MYO7A: variants seen among roughly 807,000 people sequenced by gnomAD.
The protein encoded by MYO7A is myosin VIIA.
Under a neutral mutation model 263.8 loss-of-function variants are expected in MYO7A, and 210 were observed. The observed-to-expected ratio is 0.80, with a 90% CI of 0.71 to 0.89. The LOEUF (loss-of-function observed/expected upper bound fraction) is 0.89, where lower values mean the gene tolerates loss of function less well. Ranked by LOEUF, MYO7A falls within the 40% of genes least tolerant of loss-of-function variation. MYO7A has a pLI of 0.00. For missense variants in MYO7A, 2,820 were observed against 2,968.3 expected (o/e 0.95, Z 1.16); for synonymous variants, 1,239 against 1,197.3 (o/e 1.03, Z -0.72).
At chr11:77,154,956 G>A (rs12574016) in intron 4 of MYO7A, among the ~76,000 whole-genome samples, 3 of 152,166 alleles carry the variant, frequency 2.0e-5, no homozygotes, top group East Asian at 3.9e-4. Context: ...GCTCTGCTGT[G>A]ATGCACTGAG....
At position 77,149,140 on chromosome 11, in the gene MYO7A, G is replaced by A. The variant is rs76576494; in HGVS notation, c.285+1190G>A. 6.9e-3 allele frequency among the ~76,000 whole-genome samples: 1,051 copies of A among 152,282 alleles called. 16 individuals are homozygous for A. Among genetic ancestry groups the A allele is most frequent in the African/African-American group, 0.024 (1,010 of 41,536 alleles). On this transcript the variant is annotated intron_variant, in intron 4 of 48. Coordinates refer to ENST00000409709, the MANE Select transcript of MYO7A (RefSeq NM_000260.4). ...CCAGGCCCAGAGCTGTGCCGTGCCC[G>A]GGTCACTGCCTGCTTCTGACCCAGC...
At chr11:77,205,375 G>C in intron 39 of MYO7A, 87 bp from the exon 40 acceptor site, 1 of 1,456,268 alleles carries the variant, frequency 6.9e-7, no homozygotes, top group Non-Finnish European at 9.2e-7. Flanking sequence ...CAGCTGAGGG[G>C]TACATGGCCC....
chr11:77,141,578 G>C (rs1951212934), intron 2 of MYO7A, among the ~76,000 whole-genome samples: 1 of 152,126 alleles, frequency 6.6e-6, no homozygotes, highest in South Asian at 2.1e-4. Flanking sequence ...TGTATCCCAA[G>C]GCCAGCAAAG....
rs782722401 is a variant in MYO7A at position 77,162,888 on chromosome 11, C to A, written c.1590C>A (p.Ser530=). 1.2e-6 allele frequency: 2 copies of A among 1,613,706 alleles called. No individual in the cohort carries two copies. The highest frequency in any genetic ancestry group is 1.7e-6 in the Non-Finnish European group (2 of 1,179,808). ...TDTTMLHKLN[S]QHKLNANYIP... is the part of the protein sequence containing the mutation. ...CCACCATGTTACACAAGCTGAACTC[C>A]CAGCACAAGCTCAACGCCAACTACA... The change falls in exon 14 of 49, where the codon TCC becomes TCA. Residue 530 remains serine, a synonymous_variant. Coordinates refer to ENST00000409709, the MANE Select transcript of MYO7A (RefSeq NM_000260.4).
chr11:77,133,262 G>A (rs546792376), intron 2 of MYO7A, among the ~76,000 whole-genome samples: 4 of 152,224 alleles, frequency 2.6e-5, no homozygotes, highest in South Asian at 4.1e-4. Context: ...GACTAGTGGC[G>A]CACCTGTGTG....
intron 4 of MYO7A, 28 bp downstream of exon 4, chr11:77,147,978 CCAGGCCCCCT>C (rs1951699039): frequency 1.3e-6 from 2 of 1,513,820 alleles, no homozygotes; most frequent in South Asian, 1.2e-5. Context: ...CGGTGCCCGT[CCAGGCCCCCT>C]CAGGCCCCGC....
chr11:77,214,506 C>A, intron 48 of MYO7A, 101 bp from the exon 49 acceptor site: 1 of 879,442 alleles, frequency 1.1e-6, no homozygotes, highest in South Asian at 1.4e-5. Context: ...TGCCTTTGTC[C>A]TGGGTTCTGC....
chr11:77,195,307 A>AC (rs1195415818), intron 32 of MYO7A, among the ~76,000 whole-genome samples: 5 of 150,804 alleles, frequency 3.3e-5, no homozygotes, highest in East Asian at 2.0e-4. Flanking sequence ...CGAGGCCCGA[A>AC]CCCCCCCGAA....
intron 24 of MYO7A, 97 bp from the exon 25 acceptor site, chr11:77,182,327 G>A (rs1035185361): frequency 3.4e-6 from 5 of 1,458,766 alleles, no homozygotes; most frequent in South Asian, 1.4e-5. Context: ...CCATGCGGGA[G>A]GGGGTGTCTC....
At chr11:77,149,379 TG>T (rs2135728872) in intron 4 of MYO7A, among the ~76,000 whole-genome samples, 1 of 151,412 alleles carries the variant, frequency 6.6e-6, no homozygotes, top group South Asian at 2.1e-4. Flanking sequence ...CTTCTGGAGG[TG>T]GGTGAGGTTG....
At chr11:77,136,636 T>C (rs116118240) in intron 2 of MYO7A, among the ~76,000 whole-genome samples, 79 of 152,350 alleles carry the variant, frequency 5.2e-4, no homozygotes, top group Middle Eastern at 3.4e-3. Context: ...CATATACATT[T>C]GGTCTAACAG....
intron 16 of MYO7A, among the ~76,000 whole-genome samples, chr11:77,174,102 C>T (rs532072765): frequency 1.3e-5 from 2 of 152,228 alleles, no homozygotes; most frequent in African/African-American, 2.4e-5. Flanking sequence ...TAAAACTTCC[C>T]TGGCTTCCAG....
At chr11:77,158,546 A>G (rs1591279107) in intron 9 of MYO7A, 116 bp downstream of exon 9, 1 of 1,300,996 alleles carries the variant, frequency 7.7e-7, no homozygotes, top group Admixed American at 2.7e-5. Flanking sequence ...CCTCTTTGGG[A>G]TGGAAGCTGG....
intron 13 of MYO7A, 47 bp from the exon 14 acceptor site, chr11:77,162,806 G>A: frequency 6.3e-7 from 1 of 1,593,062 alleles, no homozygotes; most frequent in Non-Finnish European, 8.6e-7. Flanking sequence ...GGGGAGTGGG[G>A]CCCATGGAGG....
At chr11:77,177,502 C>A in intron 18 of MYO7A, 47 bp from the exon 19 acceptor site, 1 of 1,468,396 alleles carries the variant, frequency 6.8e-7, no homozygotes, top group South Asian at 1.2e-5. Flanking sequence ...AGCAGGTGGT[C>A]CTAGAGGAGA....
chr11:77,175,381 C>T lies in MYO7A; in HGVS notation c.2104C>T (p.Arg702Cys), dbSNP rs377529562. 23 of 1,613,190 alleles carry T rather than the reference C, an allele frequency of 1.4e-5. No homozygotes were observed. The highest frequency in any genetic ancestry group is 5.3e-5 in the African/African-American group (4 of 75,044). ...VKPAYKQGDL[R>C]GTCQRMAEAV... Reference sequence around the variant, plus strand: ...CCCATCCTCACTCCAGGGCGACCTCCGCGGGACTTGCCAGCGCATGGCTGA... The same window carrying T: ...CCCATCCTCACTCCAGGGCGACCTCTGCGGGACTTGCCAGCGCATGGCTGA... Residue 702 changes from arginine to cysteine, a missense_variant, in exon 18 of 49, where the codon CGC becomes TGC. By Grantham distance (180) the Arg-to-Cys change is radical. Coordinates refer to ENST00000409709, the MANE Select transcript of MYO7A (RefSeq NM_000260.4).
intron 35 of MYO7A, 47 bp from the exon 36 acceptor site, chr11:77,201,401 C>T: frequency 6.4e-7 from 1 of 1,564,664 alleles, no homozygotes; most frequent in Non-Finnish European, 8.7e-7. Context: ...GATGTTCCAA[C>T]TCAGCCTGTC....
intron 16 of MYO7A, among the ~76,000 whole-genome samples, 183 bp downstream of exon 16, chr11:77,173,068 G>C (rs1267477759): frequency 6.6e-6 from 1 of 151,856 alleles, no homozygotes; most frequent in Non-Finnish European, 1.5e-5. Flanking sequence ...GCCTTGGAAA[G>C]AGCCTAGACT....
intron 48 of MYO7A, among the ~76,000 whole-genome samples, chr11:77,214,201 T>C (rs1174689043): frequency 6.6e-6 from 1 of 152,208 alleles, no homozygotes; most frequent in Non-Finnish European, 1.5e-5. Context: ...ACAACTGTTG[T>C]CTGAGTGCCT....
Sources: allele counts gnomAD v4.1 joint callset (sites outside exome capture counted in the v4.1 genomes callset), GRCh38; gene constraint gnomAD v4.1.1; transcripts MANE v1.5; gene names NCBI Gene and HGNC (gene_info 2026-07-23, HGNC 2026-07-21).